The following TTC27 variants were observed in gnomAD, a reference collection of about 807,000 sequenced individuals.
TTC27 encodes tetratricopeptide repeat protein 27.
Under a neutral mutation model 115.9 loss-of-function variants are expected in TTC27, and 79 were observed. That is an observed-to-expected ratio of 0.68 (90% CI 0.57 to 0.82). The LOEUF (loss-of-function observed/expected upper bound fraction) is 0.82, where lower values mean the gene tolerates loss of function less well. Among genes scored for constraint, TTC27 ranks in the 40% least tolerant of loss-of-function variants. The pLI, the probability that TTC27 is intolerant of heterozygous loss-of-function variation, is 0.00. For missense variants in TTC27, 1,054 were observed against 993.1 expected (o/e 1.06, Z -0.82); for synonymous variants, 401 against 356.0 (o/e 1.13, Z -1.42).
intron 13 of TTC27, among the ~76,000 whole-genome samples, chr2:32,775,343 G>A (rs1481958398): frequency 1.3e-5 from 2 of 151,946 alleles, no homozygotes; most frequent in African/African-American, 2.4e-5. Context: ...GACTACAGGC[G>A]CCCACCACCA....
intron 16 of TTC27, among the ~76,000 whole-genome samples, chr2:32,790,808 A>G (rs1182655648): frequency 6.6e-6 from 1 of 150,568 alleles, no homozygotes; most frequent in Non-Finnish European, 1.5e-5. Context: ...TGATGTTTGT[A>G]TGTTGATTTT....
intron 9 of TTC27, among the ~76,000 whole-genome samples, chr2:32,695,975 T>C (rs1447698220): frequency 6.6e-6 from 1 of 150,836 alleles, no homozygotes; most frequent in Non-Finnish European, 1.5e-5. Flanking sequence ...ATACGAAAAT[T>C]AGCCGGTCGT....
chr2:32,812,775 C>T (rs987587301), intron 18 of TTC27, among the ~76,000 whole-genome samples, 160 bp downstream of exon 18: 1 of 152,172 alleles, frequency 6.6e-6, no homozygotes, highest in African/African-American at 2.4e-5. Flanking sequence ...CATAGACCAC[C>T]TACTATGTAA....
chr2:32,702,469 T>A (rs558432145), intron 9 of TTC27, among the ~76,000 whole-genome samples: 1 of 152,280 alleles, frequency 6.6e-6, no homozygotes, highest in African/African-American at 2.4e-5. Context: ...GTTCTCTGGG[T>A]AATGGTGGTC....
chr2:32,689,411 A>T (rs1182638835), intron 9 of TTC27, among the ~76,000 whole-genome samples: 3 of 152,164 alleles, frequency 2.0e-5, no homozygotes, highest in Admixed American at 6.5e-5. Context: ...AATATTGATT[A>T]TTCTATGCCA....
At chr2:32,819,199 C>G (rs1409169741) in intron 19 of TTC27, among the ~76,000 whole-genome samples, 1 of 152,000 alleles carries the variant, frequency 6.6e-6, no homozygotes. Flanking sequence ...GTAATCTATA[C>G]TTGCATGACT....
Position 32,812,565 on chromosome 2 carries a change from A to C in TTC27, c.2258A>C (p.Asp753Ala). 2 of 1,614,138 alleles carry C rather than the reference A, an allele frequency of 1.2e-6. No individual in the cohort carries two copies. Among genetic ancestry groups the C allele is most frequent in the East Asian group, 4.5e-5 (2 of 44,876 alleles). Residue 753 changes from aspartate to alanine, a missense_variant, in exon 18 of 20, where the codon GAT becomes GCT. Coordinates refer to ENST00000317907, the MANE Select transcript of TTC27 (RefSeq NM_017735.5). ...ACCCAGTCCAATTGTTGGGAGAAAGATATTACATCATTTAAGGAAGTTGTT... is the reference window on the plus strand; with the variant it reads ...ACCCAGTCCAATTGTTGGGAGAAAGCTATTACATCATTTAAGGAAGTTGTT... Reference protein sequence around the residue: ...CDTQSNCWEKDITSFKEVVQR... With the variant: ...CDTQSNCWEKAITSFKEVVQR...
At chr2:32,792,900 T>C (rs1402932407) in intron 16 of TTC27, among the ~76,000 whole-genome samples, 2 of 152,240 alleles carry the variant, frequency 1.3e-5, no homozygotes, top group African/African-American at 4.8e-5. Flanking sequence ...CGCTCCTCTA[T>C]GTGAGAGGCC....
chr2:32,771,231 A>G (rs949049379), intron 13 of TTC27, among the ~76,000 whole-genome samples: 1 of 152,254 alleles, frequency 6.6e-6, no homozygotes, highest in Non-Finnish European at 1.5e-5. Flanking sequence ...TAGAGCCAGT[A>G]TATGTTAGGT....
chr2:32,737,646 C>A (rs913262181), intron 12 of TTC27, among the ~76,000 whole-genome samples: 1 of 152,000 alleles, frequency 6.6e-6, no homozygotes, highest in Non-Finnish European at 1.5e-5. Flanking sequence ...CAGTTAATGG[C>A]AGTGAAGGTC....
chr2:32,708,726 G>A lies in TTC27; in HGVS notation c.1233+5806G>A, dbSNP rs1667471785. The stretch of plus-strand genomic sequence containing the variant: ...GTTTTGTTGTTTTAGGCTTTTAGCA[G>A]CCTGAAACCATGTTTTTTTAGTTTC... On this transcript the variant is annotated intron_variant, in intron 10 of 19. Coordinates refer to ENST00000317907, the MANE Select transcript of TTC27 (RefSeq NM_017735.5). Among the ~76,000 whole-genome samples the A allele has an allele frequency of 2.0e-5, 3 of 151,896 alleles. 1 individual carries two copies. The South Asian group carries it at 6.2e-4, about 32-fold the overall frequency.
intron 18 of TTC27, 88 bp downstream of exon 18, chr2:32,812,703 T>C: frequency 2.2e-6 from 2 of 929,504 alleles, no homozygotes; most frequent in Non-Finnish European, 3.4e-6. Flanking sequence ...TAAAGTTCCA[T>C]TATAAATAGT....
Position 32,716,496 on chromosome 2 carries a change from A to G in TTC27, c.1233+13576A>G, listed in dbSNP as rs114300081. Among the ~76,000 whole-genome samples, 847 of 152,192 alleles carry G rather than the reference A, an allele frequency of 5.6e-3. 12 individuals carry two copies. Among genetic ancestry groups the G allele is most frequent in the African/African-American group, 0.019 (802 of 41,538 alleles). ...CTAGTGGTTTCCATTATAACTTTAAATATTACATTTCTTTAATACTTCTGT... is the reference window on the plus strand; with the variant it reads ...CTAGTGGTTTCCATTATAACTTTAAGTATTACATTTCTTTAATACTTCTGT... On this transcript the variant is annotated intron_variant, in intron 10 of 19. Transcript: ENST00000317907.
chr2:32,793,883 A>G (rs756368569), intron 16 of TTC27, among the ~76,000 whole-genome samples: 4 of 152,170 alleles, frequency 2.6e-5, no homozygotes, highest in Non-Finnish European at 5.9e-5. Flanking sequence ...AGACTAATAC[A>G]TTAAAAAAAC....
chr2:32,686,795 G>T (rs959268710), intron 9 of TTC27, among the ~76,000 whole-genome samples: 1 of 152,126 alleles, frequency 6.6e-6, no homozygotes, highest in African/African-American at 2.4e-5. Flanking sequence ...TTCTGGAGAT[G>T]ACTTTTTTGC....
chr2:32,812,148 C>A (rs1249789568), intron 17 of TTC27, among the ~76,000 whole-genome samples: 1 of 152,218 alleles, frequency 6.6e-6, no homozygotes, highest in Non-Finnish European at 1.5e-5. Context: ...TATCTACCAG[C>A]AGTTTCATTG....
At position 32,628,178 on chromosome 2, in the gene TTC27, G is replaced by T; in HGVS notation, c.-115G>T. On this transcript the variant is annotated 5_prime_UTR_variant, in exon 1 of 20. Transcript: ENST00000317907. ...TTCTAGGGCCGCAGGTGTATTTACG[G>T]TAACTGTCGCCACTAGATTTCAGCG... 1 of 947,058 alleles carries T rather than the reference G, an allele frequency of 1.1e-6. No individual in the cohort carries two copies. The highest frequency in any genetic ancestry group is 1.6e-6 in the Non-Finnish European group (1 of 612,376). The allele number at this position is 947,058 out of a possible 1,614,324, so 58.7% of individuals were successfully genotyped here. A position where few individuals can be genotyped will look rare whatever the true frequency, so the allele number is the denominator to read the frequency against.
intron 9 of TTC27, among the ~76,000 whole-genome samples, chr2:32,702,060 C>T (rs941780068): frequency 4.0e-5 from 6 of 151,260 alleles, no homozygotes; most frequent in African/African-American, 1.5e-4. Context: ...AAAACTGACA[C>T]CCACATCCTG....
chr2:32,693,115 C>T (rs1427273511), intron 9 of TTC27, among the ~76,000 whole-genome samples: 4 of 152,040 alleles, frequency 2.6e-5, no homozygotes, highest in Admixed American at 2.6e-4. Flanking sequence ...TAATACAATC[C>T]TTAAGAAAGT....
Sources: gnomAD v4.1 joint callset for allele counts (sites outside exome capture counted in the v4.1 genomes callset) on GRCh38, gnomAD v4.1.1 for gene constraint, MANE v1.5 for transcripts, NCBI Gene and HGNC (gene_info 2026-07-23, HGNC 2026-07-21) for gene names.